The following LRP1B variants were observed in gnomAD, a reference collection of about 807,000 sequenced individuals.
LRP1B encodes LDL receptor related protein 1B, also known as low-density lipoprotein receptor-related protein 1B.
Under a neutral mutation model 556.6 loss-of-function variants are expected in LRP1B, and 217 were observed. The ratio of observed to expected loss-of-function variants is 0.39; its 90% CI spans 0.35 to 0.44. LRP1B has a LOEUF of 0.44. LRP1B is among the 20% of genes least tolerant of loss of function. LRP1B has a pLI of 1.00. For synonymous variants in LRP1B, 2,047 were observed against 1,865.8 expected, an observed-to-expected ratio of 1.10 and a Z score of -2.50; for missense variants, 5,053 against 5,620.8, an observed-to-expected ratio of 0.90 and a Z score of 3.23.
chr2:141,812,321 A>T (rs1057320838), intron 1 of LRP1B, among the ~76,000 whole-genome samples: 2 of 152,076 alleles, frequency 1.3e-5, no homozygotes, highest in Non-Finnish European at 2.9e-5. Flanking sequence ...ATTAGTAATT[A>T]TTAGTAATTA....
At chr2:141,297,356 T>C (rs1395689401) in intron 3 of LRP1B, among the ~76,000 whole-genome samples, 1 of 152,180 alleles carries the variant, frequency 6.6e-6, no homozygotes, top group Non-Finnish European at 1.5e-5. Context: ...GCACTGTTGG[T>C]GGGAATTTAA....
chr2:141,297,544 A>G (rs545056451), intron 3 of LRP1B, among the ~76,000 whole-genome samples: 1 of 152,256 alleles, frequency 6.6e-6, no homozygotes, highest in South Asian at 2.1e-4. Flanking sequence ...ACTGAAACTG[A>G]TTTTGATTTA....
rs559400141 is a variant in LRP1B, at chr2:140,269,738, G to A, written c.13247+504C>T. ...GGAGTACTGTGAATATACCCAATAC[G>A]TTTCCTAGGTGTTGAGAAACTCAGA... On this transcript the variant is annotated intron_variant, in intron 86 of 90. Transcript: ENST00000389484. Among the ~76,000 whole-genome samples, 158 of 152,000 alleles carry A rather than the reference G, an allele frequency of 1.0e-3. 1 individual carries two copies. The highest frequency in any genetic ancestry group is 1.8e-3 in the Admixed American group (27 of 15,234).
chr2:140,968,388 A>AT (rs1696299544), intron 18 of LRP1B, among the ~76,000 whole-genome samples: 1 of 151,600 alleles, frequency 6.6e-6, no homozygotes, highest in Admixed American at 6.6e-5. Context: ...CCGTTTTATC[A>AT]TTTTTTATTG....
chr2:141,334,542 A>G (rs1687775573), intron 3 of LRP1B, among the ~76,000 whole-genome samples: 1 of 152,176 alleles, frequency 6.6e-6, no homozygotes, highest in South Asian at 2.1e-4. Context: ...ACAGACTAAT[A>G]CATTGAACTT....
chr2:141,176,373 G>A (rs888083268), intron 7 of LRP1B, among the ~76,000 whole-genome samples: 3 of 152,006 alleles, frequency 2.0e-5, no homozygotes, highest in African/African-American at 7.2e-5. Flanking sequence ...CATGAGGGAA[G>A]ATTTCCCCTT....
At chr2:140,747,945 C>T (rs758552314) in intron 35 of LRP1B, among the ~76,000 whole-genome samples, 4 of 151,172 alleles carry the variant, frequency 2.6e-5, no homozygotes, top group Admixed American at 6.6e-5. Flanking sequence ...ATTTTCAGGA[C>T]GTAGGGCGGG....
chr2:140,909,098 T>C (rs1694342753), intron 21 of LRP1B, among the ~76,000 whole-genome samples: 4 of 152,174 alleles, frequency 2.6e-5, no homozygotes, highest in Admixed American at 6.6e-5. Flanking sequence ...ATGACTGGCA[T>C]TGTCGTCTAT....
In LRP1B at chr2:140,989,558, T is replaced by G; in HGVS notation, c.2744A>C (p.Glu915Ala). Residue 915 changes from glutamate to alanine, a missense_variant, in exon 17 of 91, where the codon GAA becomes GCA. Around this residue, in one of 5 missense-constraint regions of LRP1B, gnomAD observed 3,619 missense variants for 3,931.9 expected, o/e 0.92. Coordinates refer to ENST00000389484, the MANE Select transcript of LRP1B (RefSeq NM_018557.3). Reference sequence around the variant, plus strand: ...TGTGCAAGTTTGATTGGATTCATCTTCATTGCTCCCACAGTCATTAGCTCC... The same window carrying G: ...TGTGCAAGTTTGATTGGATTCATCTGCATTGCTCCCACAGTCATTAGCTCC... ...CDGANDCGSN[E>A]DESNQTCTAR... is the part of the protein sequence containing the mutation. 6.2e-7 allele frequency: 1 copy of G among 1,613,314 alleles called. No individual in the cohort carries two copies. The highest frequency in any genetic ancestry group is 8.5e-7 in the Non-Finnish European group (1 of 1,179,434).
intron 49 of LRP1B, among the ~76,000 whole-genome samples, chr2:140,518,115 T>C (rs1689996993): frequency 6.6e-6 from 1 of 152,166 alleles, no homozygotes; most frequent in South Asian, 2.1e-4. Flanking sequence ...CTAGTGTATA[T>C]ATCCCAATCA....
At chr2:141,355,183 G>T (rs1278791154) in intron 3 of LRP1B, among the ~76,000 whole-genome samples, 3 of 151,906 alleles carry the variant, frequency 2.0e-5, no homozygotes, top group African/African-American at 7.3e-5. Flanking sequence ...AATCAGTTTT[G>T]TCATCATCTG....
chr2:142,053,575 C>T (rs1704550265), intron 1 of LRP1B, among the ~76,000 whole-genome samples: 1 of 152,064 alleles, frequency 6.6e-6, no homozygotes, highest in Admixed American at 6.6e-5. Flanking sequence ...ATTTACTTCA[C>T]CAGTTCAAGC....
chr2:140,792,217 C>T, intron 32 of LRP1B, among the ~76,000 whole-genome samples: 1 of 152,060 alleles, frequency 6.6e-6, no homozygotes, highest in East Asian at 1.9e-4. Context: ...TCCTTCTTTT[C>T]TGTGAATTCT....
chr2:140,539,307 T>C (rs956194350), intron 45 of LRP1B, among the ~76,000 whole-genome samples: 4 of 152,118 alleles, frequency 2.6e-5, no homozygotes, highest in Admixed American at 6.6e-5. Context: ...ATTCTCATGT[T>C]CCTAAAGATA....
At chr2:141,897,898 A>T (rs533124698) in intron 1 of LRP1B, among the ~76,000 whole-genome samples, 198 of 152,288 alleles carry the variant, frequency 1.3e-3, no homozygotes, top group African/African-American at 4.3e-3. Flanking sequence ...ACACACGTGC[A>T]CACACTTACA....
chr2:141,601,928 G>A (rs571519731), intron 2 of LRP1B, among the ~76,000 whole-genome samples: 1 of 152,106 alleles, frequency 6.6e-6, no homozygotes, highest in East Asian at 1.9e-4. Context: ...AAGCCTCCAT[G>A]AGAAACTGCA....
chr2:141,563,906 G>A (rs549330919), intron 2 of LRP1B, among the ~76,000 whole-genome samples: 11 of 152,078 alleles, frequency 7.2e-5, no homozygotes, highest in South Asian at 2.1e-4. Context: ...AAAGCTAACC[G>A]TTGGGTACTA....
chr2:141,053,405 T>C (rs1699092486), intron 10 of LRP1B, among the ~76,000 whole-genome samples: 1 of 151,902 alleles, frequency 6.6e-6, no homozygotes, highest in African/African-American at 2.4e-5. Context: ...TTTTTGCCAG[T>C]TAGGGACTAT....
chr2:140,495,102 G>A (rs1402024224), intron 56 of LRP1B, among the ~76,000 whole-genome samples: 3 of 152,076 alleles, frequency 2.0e-5, no homozygotes, highest in African/African-American at 2.4e-5. Flanking sequence ...ATCACTGGAA[G>A]AATTCAAATA....
Sources: gnomAD v4.1 joint callset for allele counts (sites outside exome capture counted in the v4.1 genomes callset) on GRCh38, gnomAD v4.1.1 for gene constraint, gnomAD v4.1.1 regional missense constraint, MANE v1.5 for transcripts, NCBI Gene and HGNC (gene_info 2026-07-23, HGNC 2026-07-21) for gene names.